IGF2BP3: variants seen among roughly 807,000 people sequenced by gnomAD.
The protein encoded by IGF2BP3 is insulin like growth factor 2 mRNA binding protein 3.
IGF2BP3 carries 9 observed loss-of-function variants against 73.8 expected under a neutral mutation model. That is an observed-to-expected ratio of 0.12 (90% CI 0.07 to 0.21). IGF2BP3 has a LOEUF of 0.21. IGF2BP3 is among the 10% of genes least tolerant of loss of function. IGF2BP3 has a pLI of 1.00. For missense variants in IGF2BP3, 542 were observed against 714.0 expected (o/e 0.76, Z 2.75); for synonymous variants, 258 against 256.7 (o/e 1.01, Z -0.05).
chr7:23,460,008 C>T (rs34677598), intron 2 of IGF2BP3, among the ~76,000 whole-genome samples: 57,566 of 150,016 alleles, frequency 0.38, 11,855 homozygotes, highest in African/African-American at 0.52. Context: ...GTGGGAGGAC[C>T]GCTTGAGCCA....
At chr7:23,457,930 T>C (rs1207947000) in intron 2 of IGF2BP3, among the ~76,000 whole-genome samples, 1 of 152,256 alleles carries the variant, frequency 6.6e-6, no homozygotes, top group Non-Finnish European at 1.5e-5. Context: ...ATGCTCATTG[T>C]AAATTAAAAA....
chr7:23,312,680 G>A (rs1053520910), intron 14 of IGF2BP3, 55 bp downstream of exon 14: 20 of 1,233,884 alleles, frequency 1.6e-5, no homozygotes, highest in African/African-American at 1.2e-4. Flanking sequence ...AGCACCTGTG[G>A]GAGAATTGCT....
At chr7:23,404,146 GAAAA>G (rs957268282) in intron 3 of IGF2BP3, among the ~76,000 whole-genome samples, 6 of 133,080 alleles carry the variant, frequency 4.5e-5, no homozygotes, top group Non-Finnish European at 9.8e-5. Context: ...AAATCAAATG[GAAAA>G]AAAAAAAAGA....
chr7:23,374,201 C>T (rs1374538341), intron 3 of IGF2BP3, among the ~76,000 whole-genome samples: 2 of 152,072 alleles, frequency 1.3e-5, no homozygotes, highest in African/African-American at 4.8e-5. Context: ...TTCAAAATAG[C>T]CAATAATTGA....
chr7:23,383,436 C>G (rs990860052), intron 3 of IGF2BP3, among the ~76,000 whole-genome samples: 1 of 152,146 alleles, frequency 6.6e-6, no homozygotes, highest in African/African-American at 2.4e-5. Flanking sequence ...CAAGAGGATA[C>G]CACTTTACAC....
At position 23,439,400 on chromosome 7, in the gene IGF2BP3, A is replaced by C. The variant is rs11768788; in HGVS notation, c.237-20576T>G. On this transcript the variant is annotated intron_variant, in intron 2 of 14. Transcript: ENST00000258729. ...AAACCCCACCTACTAAAAATACAAAAAAAAAAAAATTAGCCGGGTGTGGTG... is the reference window on the plus strand; with the variant it reads ...AAACCCCACCTACTAAAAATACAAACAAAAAAAAATTAGCCGGGTGTGGTG... Among the ~76,000 whole-genome samples the C allele has an allele frequency of 7.6e-3, 1,152 of 151,154 alleles. 9 individuals carry two copies. Among genetic ancestry groups the C allele is most frequent in the Non-Finnish European group, 0.011 (743 of 67,872 alleles).
chr7:23,437,933 G>A (rs975038547), intron 2 of IGF2BP3, among the ~76,000 whole-genome samples: 4 of 152,116 alleles, frequency 2.6e-5, no homozygotes, highest in African/African-American at 4.8e-5. Flanking sequence ...GCAAGTCAAC[G>A]AAAAGCCAAA....
At position 23,345,924 on chromosome 7, in the gene IGF2BP3, G is replaced by T. The variant is rs778440749; in HGVS notation, c.941+16C>A. The T allele has an allele frequency of 1.2e-6, 2 of 1,608,812 alleles. No individual in the cohort carries two copies. The highest frequency in any genetic ancestry group is 1.1e-5 in the South Asian group (1 of 90,654). ...TGTTGGAAAGTTTTCTTATTCAAAA[G>T]CAAAGGAGCACTCACGGAGATATCG... On this transcript the variant is annotated intron_variant, in intron 8 of 14. Coordinates refer to ENST00000258729, the MANE Select transcript of IGF2BP3 (RefSeq NM_006547.3).
chr7:23,462,023 C>T (rs1364953384), intron 2 of IGF2BP3, among the ~76,000 whole-genome samples: 2 of 152,240 alleles, frequency 1.3e-5, no homozygotes, highest in African/African-American at 4.8e-5. Context: ...AAAACTCCAG[C>T]TTCTTCTGAA....
intron 2 of IGF2BP3, among the ~76,000 whole-genome samples, chr7:23,456,176 A>T (rs1788312036): frequency 6.6e-6 from 1 of 152,050 alleles, no homozygotes; most frequent in Non-Finnish European, 1.5e-5. Context: ...TTAACTCTCC[A>T]AAGAAAGAGC....
chr7:23,403,108 A>C (rs990438086), intron 3 of IGF2BP3, among the ~76,000 whole-genome samples: 1 of 152,334 alleles, frequency 6.6e-6, no homozygotes, highest in African/African-American at 2.4e-5. Context: ...CTATAACCTG[A>C]CAAAATATTT....
chr7:23,443,102 ATTTTTTTTTT>A (rs34674050), intron 2 of IGF2BP3, among the ~76,000 whole-genome samples: 9 of 85,816 alleles, frequency 1.0e-4, no homozygotes, highest in African/African-American at 3.2e-4. Flanking sequence ...CATTACAGTG[ATTTTTTTTTT>A]TTTTTTTTTT....
Position 23,361,752 on chromosome 7 carries a change from G to C in IGF2BP3, c.286-11C>G, listed in dbSNP as rs755570438. The C allele has an allele frequency of 2.5e-6, 4 of 1,597,142 alleles. No homozygotes were observed. Among genetic ancestry groups the C allele is most frequent in the African/African-American group, 1.4e-5 (1 of 74,058 alleles). On this transcript the variant is annotated splice_polypyrimidine_tract_variant and intron_variant, in intron 3 of 14. Coordinates refer to ENST00000258729, the MANE Select transcript of IGF2BP3 (RefSeq NM_006547.3). ...TAAACTATCCAGCACCTATCAGGAG[G>C]GGGAGAGAAAATTATAAATTTTGAG...
chr7:23,393,006 T>C (rs1490671412), intron 3 of IGF2BP3, among the ~76,000 whole-genome samples: 1 of 152,178 alleles, frequency 6.6e-6, no homozygotes, highest in East Asian at 1.9e-4. Context: ...ATCAATTTCT[T>C]AGGAGTTTCT....
At chr7:23,422,073 C>A (rs552261487) in intron 2 of IGF2BP3, among the ~76,000 whole-genome samples, 1 of 152,094 alleles carries the variant, frequency 6.6e-6, no homozygotes, top group Non-Finnish European at 1.5e-5. Flanking sequence ...AGCCACCATG[C>A]CTGGCCCTAT....
chr7:23,381,095 G>C (rs1335025929), intron 3 of IGF2BP3, among the ~76,000 whole-genome samples: 2 of 152,174 alleles, frequency 1.3e-5, no homozygotes, highest in African/African-American at 2.4e-5. Context: ...CCCTAGCACA[G>C]AGCTATAGAC....
At chr7:23,364,613 C>T (rs1448988609) in intron 3 of IGF2BP3, among the ~76,000 whole-genome samples, 10 of 148,534 alleles carry the variant, frequency 6.7e-5, no homozygotes, top group Non-Finnish European at 4.5e-5. Context: ...CAGTGGGCAA[C>T]CTACTTATTT....
intron 12 of IGF2BP3, among the ~76,000 whole-genome samples, chr7:23,317,345 T>C (rs1784019529): frequency 6.6e-6 from 1 of 152,204 alleles, no homozygotes; most frequent in Admixed American, 6.5e-5. Context: ...CCAAGGCATA[T>C]TAACCTGGCA....
intron 5 of IGF2BP3, among the ~76,000 whole-genome samples, chr7:23,354,317 A>T (rs1785039180): frequency 6.6e-6 from 1 of 152,218 alleles, no homozygotes; most frequent in East Asian, 1.9e-4. Flanking sequence ...AGTCGGGAAT[A>T]AACAGATCAC....
Sources: allele counts gnomAD v4.1 joint callset (sites outside exome capture counted in the v4.1 genomes callset), GRCh38; gene constraint gnomAD v4.1.1; transcripts MANE v1.5; gene names NCBI Gene and HGNC (gene_info 2026-07-23, HGNC 2026-07-21).